Variants in FGF14 observed in about 807,000 individuals in gnomAD.
FGF14 encodes the protein fibroblast growth factor 14, also known as fibroblast growth factor homologous factor 4.
In FGF14, 5 loss-of-function variants were observed where a neutral mutation model predicts 25.5. That is an observed-to-expected ratio of 0.20 (90% CI 0.10 to 0.41). The LOEUF is 0.41. FGF14 is among the 10% of genes least tolerant of loss of function. The pLI, the probability that FGF14 is intolerant of heterozygous loss-of-function variation, is 1.00. For synonymous variants in FGF14, 138 were observed against 118.3 expected, an observed-to-expected ratio of 1.17 and a Z score of -1.08; for missense variants, 222 against 320.1, an observed-to-expected ratio of 0.69 and a Z score of 2.34.
At chr13:101,999,498 T>C (rs933267599) in intron 1 of FGF14, among the ~76,000 whole-genome samples, 69 of 152,206 alleles carry the variant, frequency 4.5e-4, no homozygotes, top group African/African-American at 1.4e-3. Flanking sequence ...CTCCTGGAGA[T>C]AGGGGTGAAA....
At chr13:102,274,420 A>T (rs1157253992) in intron 1 of FGF14, among the ~76,000 whole-genome samples, 1 of 152,140 alleles carries the variant, frequency 6.6e-6, no homozygotes, top group Non-Finnish European at 1.5e-5. Context: ...CTGGAATTTT[A>T]TTAGTTATTT....
At chr13:102,250,060 CAT>C (rs2052093579) in intron 1 of FGF14, among the ~76,000 whole-genome samples, 1 of 152,022 alleles carries the variant, frequency 6.6e-6, no homozygotes, top group African/African-American at 2.4e-5. Context: ...TAAAAAGACA[CAT>C]GTGTTCCCTA....
intron 3 of FGF14, among the ~76,000 whole-genome samples, chr13:101,821,629 A>G (rs1336136364): frequency 2.0e-5 from 3 of 152,292 alleles, no homozygotes; most frequent in African/African-American, 7.2e-5. Flanking sequence ...TGTTTTCCCA[A>G]ATGGTTATAG....
intron 1 of FGF14, among the ~76,000 whole-genome samples, chr13:102,097,674 A>G (rs919304485): frequency 6.6e-6 from 1 of 152,220 alleles, no homozygotes; most frequent in Non-Finnish European, 1.5e-5. Flanking sequence ...GTATAAGATG[A>G]CTGAACGAGT....
At chr13:102,390,694 G>T (rs1245038079) in intron 1 of FGF14, among the ~76,000 whole-genome samples, 1 of 152,142 alleles carries the variant, frequency 6.6e-6, no homozygotes. Context: ...AGATAGTATA[G>T]GTAGAGTGCC....
chr13:102,395,622 C>T (rs2139263568), intron 1 of FGF14: 1 of 152,332 alleles, frequency 6.6e-6, no homozygotes, highest in Non-Finnish European at 1.5e-5. Flanking sequence ...TAAAATGTAT[C>T]GTCCTGCCCT....
At chr13:101,845,985 A>G (rs55662131) in intron 3 of FGF14, among the ~76,000 whole-genome samples, 21,659 of 151,898 alleles carry the variant, frequency 0.14, 2,553 homozygotes, top group African/African-American at 0.32. Flanking sequence ...TATTTCCAAT[A>G]TTTTGCCACA....
chr13:101,960,045 T>A (rs541967254), intron 1 of FGF14, among the ~76,000 whole-genome samples: 1 of 152,246 alleles, frequency 6.6e-6, no homozygotes, highest in Non-Finnish European at 1.5e-5. Context: ...TTGAATAAAA[T>A]GTCAAATTAT....
intron 1 of FGF14, among the ~76,000 whole-genome samples, chr13:102,284,648 A>G (rs1455919486): frequency 3.9e-5 from 6 of 152,196 alleles, no homozygotes; most frequent in Non-Finnish European, 5.9e-5. Context: ...TGCATTAAGT[A>G]CAAGTACAGA....
intron 3 of FGF14, among the ~76,000 whole-genome samples, chr13:101,808,587 C>A (rs1483950457): frequency 6.6e-6 from 1 of 152,064 alleles, no homozygotes; most frequent in African/African-American, 2.4e-5. Context: ...CTAAAATGAG[C>A]TATTAGTAAT....
At chr13:101,963,925 AGAG>A (rs781462481) in intron 1 of FGF14, among the ~76,000 whole-genome samples, 3 of 152,246 alleles carry the variant, frequency 2.0e-5, no homozygotes, top group Non-Finnish European at 4.4e-5. Context: ...TACTCAGACA[AGAG>A]GAGTTGAAAC....
intron 1 of FGF14, among the ~76,000 whole-genome samples, chr13:101,972,264 G>T (rs771224000): frequency 1.2e-4 from 18 of 152,210 alleles, no homozygotes; most frequent in Admixed American, 2.6e-4. Flanking sequence ...GCTGAACGAG[G>T]TTGCTGGTAC....
intron 1 of FGF14, among the ~76,000 whole-genome samples, chr13:102,233,436 T>C (rs890815540): frequency 8.4e-6 from 1 of 118,918 alleles, no homozygotes; most frequent in African/African-American, 3.8e-5. Context: ...CAGCCTCATT[T>C]TTTTATTTAA....
intron 3 of FGF14, among the ~76,000 whole-genome samples, chr13:101,781,170 A>G (rs1368759029): frequency 6.6e-6 from 1 of 151,872 alleles, no homozygotes; most frequent in Non-Finnish European, 1.5e-5. Flanking sequence ...CATTTCAGTT[A>G]AGTTGTATGT....
intron 1 of FGF14, among the ~76,000 whole-genome samples, chr13:102,087,077 A>C (rs1475974982): frequency 6.6e-6 from 1 of 152,230 alleles, no homozygotes; most frequent in African/African-American, 2.4e-5. Context: ...TGTCAGAGGA[A>C]CACAGAGATC....
At chr13:102,401,742 G>T in exon 1 of FGF14, 1 of 1,345,020 alleles carries the variant, frequency 7.4e-7, no homozygotes, top group South Asian at 1.2e-5. Context: ...ATATTTCTTT[G>T]AGACTTCTCA....
chr13:101,813,829 A>T (rs2041700528), intron 3 of FGF14, among the ~76,000 whole-genome samples: 2 of 152,250 alleles, frequency 1.3e-5, no homozygotes, highest in African/African-American at 4.8e-5. Flanking sequence ...GTTCGCAGAG[A>T]TACTTGTTCC....
At chr13:102,005,333 A>G (rs1320073330) in intron 1 of FGF14, among the ~76,000 whole-genome samples, 1 of 152,210 alleles carries the variant, frequency 6.6e-6, no homozygotes, top group Non-Finnish European at 1.5e-5. Flanking sequence ...AGCATTCTCT[A>G]TGCAAATAAG....
chr13:102,353,363 C>T (rs2138992692), intron 1 of FGF14, among the ~76,000 whole-genome samples: 1 of 152,278 alleles, frequency 6.6e-6, no homozygotes, highest in South Asian at 2.1e-4. Flanking sequence ...TTGGTGATCT[C>T]ATCAACCCCT....
Sources: allele counts gnomAD v4.1 joint callset (sites outside exome capture counted in the v4.1 genomes callset), GRCh38; gene constraint gnomAD v4.1.1; transcripts MANE v1.5; gene names NCBI Gene and HGNC (gene_info 2026-07-23, HGNC 2026-07-21).